Variants in ITPR1 observed in about 807,000 individuals in gnomAD.
ITPR1 encodes inositol 1,4,5-trisphosphate receptor type 1, also known as inositol 1,4,5-trisphosphate-gated calcium channel ITPR1.
ITPR1 carries 96 observed loss-of-function variants against 318.4 expected under a neutral mutation model. The ratio of observed to expected loss-of-function variants is 0.30; its 90% confidence interval spans 0.26 to 0.36. ITPR1 has a LOEUF of 0.36. Ranked by LOEUF, ITPR1 falls within the 10% of genes least tolerant of loss-of-function variation. ITPR1 has a pLI of 1.00. For synonymous variants in ITPR1, 1,312 were observed against 1,289.9 expected, an observed-to-expected ratio of 1.02 and a Z score of -0.37; for missense variants, 2,440 against 3,460.2, an observed-to-expected ratio of 0.71 and a Z score of 7.40.
At chr3:4,729,352 A>G (rs2042742578) in intron 42 of ITPR1, among the ~76,000 whole-genome samples, 1 of 152,194 alleles carries the variant, frequency 6.6e-6, no homozygotes, top group Non-Finnish European at 1.5e-5. Context: ...ATTAACTTGT[A>G]GATACCTTGT....
rs755582746 is a variant in ITPR1, at chr3:4,800,454, C to T, written c.6961C>T (p.Leu2321=). The change falls in exon 54 of 62, where the codon CTG becomes TTG. Residue 2321 remains leucine, a synonymous_variant. Transcript: ENST00000649015. The part of the protein sequence containing the change: ...GTLEPHWSGL[L]WTAMLISLAI... ...CCTGGAGCCCCACTGGTCGGGACTCCTGTGGACAGCCATGCTCATCTCTCT... is the reference window on the plus strand; with the variant it reads ...CCTGGAGCCCCACTGGTCGGGACTCTTGTGGACAGCCATGCTCATCTCTCT... 3.7e-6 allele frequency: 6 copies of T among 1,613,912 alleles called. No homozygotes were observed. The highest frequency in any genetic ancestry group is 4.2e-6 in the Non-Finnish European group (5 of 1,179,900).
chr3:4,589,011 T>C (rs2090160488), intron 4 of ITPR1, among the ~76,000 whole-genome samples: 1 of 152,158 alleles, frequency 6.6e-6, no homozygotes, highest in Non-Finnish European at 1.5e-5. Flanking sequence ...CAGACTTCTT[T>C]GACTGCACTT....
At chr3:4,825,778 G>T (rs570732326) in intron 60 of ITPR1, 52 of 456,784 alleles carry the variant, frequency 1.1e-4, no homozygotes, top group African/African-American at 9.8e-4. Context: ...GAAATCTGCA[G>T]ACACTTTCTG....
chr3:4,702,488 G>T (rs539603032), intron 35 of ITPR1, among the ~76,000 whole-genome samples: 2 of 152,310 alleles, frequency 1.3e-5, no homozygotes, highest in African/African-American at 2.4e-5. Context: ...GAAGTAATTT[G>T]CCTAAAGTCA....
chr3:4,654,424 T>C (rs528975016), intron 12 of ITPR1, among the ~76,000 whole-genome samples: 1 of 152,372 alleles, frequency 6.6e-6, no homozygotes, highest in Non-Finnish European at 1.5e-5. Context: ...TTTAGAATTT[T>C]AAGTGCAAAA....
chr3:4,641,996 G>C, intron 6 of ITPR1, 97 bp from the exon 7 acceptor site: 1 of 944,974 alleles, frequency 1.1e-6, no homozygotes, highest in East Asian at 2.8e-5. Context: ...TCAATGGTGG[G>C]AGGAATGTTT....
intron 46 of ITPR1, 103 bp from the exon 47 acceptor site, chr3:4,775,139 T>A: frequency 1.2e-6 from 1 of 858,228 alleles, no homozygotes; most frequent in East Asian, 2.4e-5. Flanking sequence ...CATCTCTCTG[T>A]ATAATTACCA....
chr3:4,587,711 A>T (rs1435592349), intron 4 of ITPR1, among the ~76,000 whole-genome samples: 1 of 152,202 alleles, frequency 6.6e-6, no homozygotes, highest in Non-Finnish European at 1.5e-5. Context: ...GTAATTGCCC[A>T]CAGGATAAAG....
rs1180654599 is a variant in ITPR1, at chr3:4,675,140, A to T, written c.2671A>T (p.Ile891Phe). 1 of 1,609,284 alleles carries T rather than the reference A, an allele frequency of 6.2e-7. No homozygotes were observed. Among genetic ancestry groups the T allele is most frequent in the African/African-American group, 1.3e-5 (1 of 74,792 alleles). Residue 891 changes from isoleucine (I) to phenylalanine (F), a missense_variant, in exon 23 of 62, where the codon ATC (isoleucine) becomes TTC (phenylalanine). By Grantham distance (21) the Ile-to-Phe change is conservative. This residue lies in a region of ITPR1 where 478 missense variants were observed against 696.3 expected (regional missense o/e 0.69). Coordinates refer to ENST00000649015, the MANE Select transcript of ITPR1 (RefSeq NM_001378452.1). ...NFSDLLRLTK[I>F]LLAILDCVHV... ...CTCTGACCTTCTACGATTAACTAAGATCCTTCTGGCCATATTGGACTGTGT... is the reference window on the plus strand; with the variant it reads ...CTCTGACCTTCTACGATTAACTAAGTTCCTTCTGGCCATATTGGACTGTGT...
chr3:4,704,092 G>A (rs2094708608), intron 36 of ITPR1, among the ~76,000 whole-genome samples: 1 of 152,100 alleles, frequency 6.6e-6, no homozygotes, highest in African/African-American at 2.4e-5. Context: ...ACTACTAGAG[G>A]GGTAAAGGGG....
chr3:4,522,135 C>T (rs187851291), intron 4 of ITPR1, among the ~76,000 whole-genome samples: 1 of 152,198 alleles, frequency 6.6e-6, no homozygotes, highest in African/African-American at 2.4e-5. Context: ...ATGCTTGGGG[C>T]TCCATTGTAG....
Position 4,779,906 on chromosome 3 carries a change from T to A in ITPR1, c.6387+261T>A, listed in dbSNP as rs2046715434. ...TTGAAAGTAATGGCAAAAACCGCGA[T>A]TACTTTTGCACCAACCTATATGACA... is the stretch of plus-strand genomic sequence containing the variant. On this transcript the variant is annotated intron_variant, in intron 49 of 61. Transcript: ENST00000649015. The surrounding 1 kb of genome is among the most constrained non-coding windows in gnomAD (Gnocchi z 4.0). 6.6e-6 allele frequency among the ~76,000 whole-genome samples: 1 copy of A among 150,532 alleles called. No homozygotes were observed. Among genetic ancestry groups the A allele is most frequent in the African/African-American group, 2.4e-5 (1 of 41,042 alleles).
rs145997583 is a variant in ITPR1 at position 4,653,933 on chromosome 3, C to T, written c.996+47C>T. 3,882 of 1,359,128 alleles carry T rather than the reference C, an allele frequency of 2.9e-3. 79 individuals are homozygous for T. The African/African-American group carries it at 0.048, about 17-fold the overall frequency. The allele number at this position is 1,359,128 out of a possible 1,614,324, so 84.2% of individuals were successfully genotyped here. ...CTTGTCTTCATCTGGTAGGGTGCGG[C>T]CAAATGATCTGGAGCTCCATTTAAG... On this transcript the variant is annotated intron_variant, in intron 12 of 61. Transcript: ENST00000649015.
chr3:4,830,871 G>A (rs530734108), intron 60 of ITPR1: 10 of 452,694 alleles, frequency 2.2e-5, no homozygotes, highest in Admixed American at 4.7e-5. Flanking sequence ...CACCCTCAAC[G>A]CCTCATTCTC....
chr3:4,532,092 G>A (rs1438277171), intron 4 of ITPR1, among the ~76,000 whole-genome samples: 1 of 152,172 alleles, frequency 6.6e-6, no homozygotes, highest in Non-Finnish European at 1.5e-5. Context: ...CTAATTTTTG[G>A]TTTTGACTTT....
intron 4 of ITPR1, among the ~76,000 whole-genome samples, chr3:4,599,009 CT>C (rs76398324): frequency 0.055 from 7,746 of 141,450 alleles, 231 homozygotes; most frequent in Middle Eastern, 0.13. Flanking sequence ...TACTGATGAG[CT>C]TTTTTTTTTT....
chr3:4,757,086 A>G (rs1447528767), intron 44 of ITPR1, among the ~76,000 whole-genome samples: 1 of 152,320 alleles, frequency 6.6e-6, no homozygotes, highest in East Asian at 1.9e-4. Flanking sequence ...AATTGCCCAC[A>G]ATCACATGGC....
intron 4 of ITPR1, among the ~76,000 whole-genome samples, chr3:4,573,808 G>A (rs146720715): frequency 1.3e-5 from 2 of 152,096 alleles, no homozygotes; most frequent in African/African-American, 2.4e-5. Context: ...TTCTCTTACC[G>A]TACTTTCTTT....
intron 23 of ITPR1, among the ~76,000 whole-genome samples, chr3:4,676,143 A>G (rs2094180429): frequency 6.6e-6 from 1 of 151,182 alleles, no homozygotes; most frequent in Non-Finnish European, 1.5e-5. Flanking sequence ...GGAGTTCGAG[A>G]CCAGGCTGGG....
Sources: allele counts gnomAD v4.1 joint callset (sites outside exome capture counted in the v4.1 genomes callset), GRCh38; gene constraint gnomAD v4.1.1; regional missense constraint gnomAD v4.1.1; non-coding constraint Gnocchi (gnomAD v3.1); transcripts MANE v1.5; gene names NCBI Gene and HGNC (gene_info 2026-07-23, HGNC 2026-07-21).